PPP2CB: variants seen among roughly 807,000 people sequenced by gnomAD.
The protein encoded by PPP2CB is protein phosphatase 2 catalytic subunit beta, also known as serine/threonine-protein phosphatase 2A catalytic subunit beta isoform.
Under a neutral mutation model 39.1 loss-of-function variants are expected in PPP2CB, and 18 were observed. The ratio of observed to expected loss-of-function variants is 0.46; its 90% confidence interval spans 0.32 to 0.68. The LOEUF (loss-of-function observed/expected upper bound fraction) is 0.68, where lower values mean the gene tolerates loss of function less well. PPP2CB is among the 30% of genes least tolerant of loss of function. The probability of loss-of-function intolerance (pLI) is 0.04; values close to 1 mark genes in which losing one functional copy is unlikely to be tolerated. For synonymous variants in PPP2CB, 129 were observed against 133.8 expected, an observed-to-expected ratio of 0.96 and a Z score of 0.25; for missense variants, 226 against 396.9, an observed-to-expected ratio of 0.57 and a Z score of 3.66.
intron 1 of PPP2CB, among the ~76,000 whole-genome samples, chr8:30,802,078 T>C (rs1468168662): frequency 6.6e-6 from 1 of 152,212 alleles, no homozygotes; most frequent in Non-Finnish European, 1.5e-5. Context: ...CCTTTTCTGC[T>C]TATAGCCTGG....
intron 2 of PPP2CB, among the ~76,000 whole-genome samples, chr8:30,798,096 C>T (rs1470257166): frequency 6.6e-6 from 1 of 152,200 alleles, no homozygotes; most frequent in Non-Finnish European, 1.5e-5. Flanking sequence ...TTCTAGAACA[C>T]TATGACTTCT....
chr8:30,795,184 C>T (rs950686076), intron 3 of PPP2CB, among the ~76,000 whole-genome samples: 7 of 144,858 alleles, frequency 4.8e-5, no homozygotes, highest in African/African-American at 7.7e-5. Flanking sequence ...GGCGTGATCT[C>T]GGCTCACCGC....
rs540156919 is a variant in PPP2CB at position 30,802,680 on chromosome 8, C to T, written c.103-2925G>A. Among the ~76,000 whole-genome samples, 3 of 152,244 alleles carry T rather than the reference C, an allele frequency of 2.0e-5. No homozygotes were observed. In the South Asian group the frequency reaches 6.3e-4, roughly 32 times the overall value. ...ATTTTAAAAAACAAATTCTGTATTA[C>T]TTTTTCAAACGGAAAAAACCTGGCT... On this transcript the variant is annotated intron_variant, in intron 1 of 6. Transcript: ENST00000221138.
chr8:30,810,430 G>A (rs1438410095), intron 1 of PPP2CB, among the ~76,000 whole-genome samples: 7 of 152,226 alleles, frequency 4.6e-5, no homozygotes, highest in African/African-American at 1.7e-4. Flanking sequence ...CAGTCTGGGC[G>A]ACAGACTGAG....
At chr8:30,786,857 G>C (rs112075633) in intron 6 of PPP2CB, among the ~76,000 whole-genome samples, 3 of 151,204 alleles carry the variant, frequency 2.0e-5, no homozygotes, top group African/African-American at 7.3e-5. Flanking sequence ...TAGTAGAGAC[G>C]GGGTTTCACC....
At chr8:30,787,648 A>G (rs1467010621) in intron 6 of PPP2CB, among the ~76,000 whole-genome samples, 3 of 152,220 alleles carry the variant, frequency 2.0e-5, no homozygotes, top group Admixed American at 6.5e-5. Flanking sequence ...TCCTTTCTTT[A>G]AACATTTGGT....
In PPP2CB at chr8:30,791,956, A is replaced by G. The variant is rs1398803141; in HGVS notation, c.739-641T>C. 2.9e-5 allele frequency among the ~76,000 whole-genome samples: 4 copies of G among 139,606 alleles called. No homozygotes were observed. The East Asian group carries it at 7.8e-4, about 27-fold the overall frequency. 91.6% of individuals were successfully genotyped at this position (139,606 alleles called of 152,430 possible). On this transcript the variant is annotated intron_variant, in intron 5 of 6. Coordinates refer to ENST00000221138, the MANE Select transcript of PPP2CB (RefSeq NM_001009552.2). ...TATGTATACATGTATGTGTGCGCATATATGTATACGTGTGTATATGTGTAT... is the reference window on the plus strand; with the variant it reads ...TATGTATACATGTATGTGTGCGCATGTATGTATACGTGTGTATATGTGTAT...
chr8:30,786,269 T>A lies in PPP2CB; in HGVS notation c.896A>T (p.His299Leu). The A allele has an allele frequency of 1.3e-6, 2 of 1,580,438 alleles. No homozygotes were observed. Among genetic ancestry groups the A allele is most frequent in the Non-Finnish European group, 1.7e-6 (2 of 1,162,690 alleles). The change falls in exon 7 of 7, where the codon CAT (histidine) becomes CTT (leucine). Residue 299 changes from histidine (H) to leucine (L), a missense_variant. By Grantham distance (99) the His-to-Leu change is moderately conservative (BLOSUM62 -3). Transcript: ENST00000221138. Reference protein sequence around the residue: ...FDPAPRRGEPHVTRRTPDYFL With the variant: ...FDPAPRRGEPLVTRRTPDYFL Reference sequence around the variant, plus strand: ...GTAGTCTGGGGTGCGCCGTGTAACATGAGGCTCACCACGACGAGGCGCTGG... The same window carrying A: ...GTAGTCTGGGGTGCGCCGTGTAACAAGAGGCTCACCACGACGAGGCGCTGG...
intron 3 of PPP2CB, among the ~76,000 whole-genome samples, chr8:30,797,238 T>C (rs1031959502): frequency 6.6e-6 from 1 of 152,252 alleles, no homozygotes; most frequent in South Asian, 2.1e-4. Context: ...ACACTGCATG[T>C]ATATGCAGAG....
At chr8:30,798,244 A>G (rs751454659) in intron 2 of PPP2CB, among the ~76,000 whole-genome samples, 2 of 152,210 alleles carry the variant, frequency 1.3e-5, no homozygotes, top group Non-Finnish European at 2.9e-5. Context: ...GCCCTTGACA[A>G]AACTGGGCAA....
chr8:30,789,052 T>TC (rs971247462), intron 6 of PPP2CB, among the ~76,000 whole-genome samples: 7 of 150,760 alleles, frequency 4.6e-5, no homozygotes, highest in African/African-American at 1.7e-4. Context: ...GTTTTTACTT[T>TC]TTTTTTTTTT....
In PPP2CB at chr8:30,785,684, T is replaced by C. The variant is rs553851169; in HGVS notation, c.*551A>G. ...AGGATGCAAGCACTGTCATGACAAA[T>C]ATACAGAAATATGCAGATCAACATA... On this transcript the variant is annotated 3_prime_UTR_variant, in exon 7 of 7. Transcript: ENST00000221138. 21 of 197,174 alleles carry C rather than the reference T, an allele frequency of 1.1e-4. No homozygotes were observed. In the South Asian group the frequency reaches 1.6e-3, roughly 15 times the overall value. The allele number at this position is 197,174 out of a possible 1,614,324, so 12.2% of individuals were successfully genotyped here.
chr8:30,797,499 A>G (rs1806546625), intron 3 of PPP2CB, 82 bp downstream of exon 3: 1 of 1,340,600 alleles, frequency 7.5e-7, no homozygotes, highest in African/African-American at 1.5e-5. Flanking sequence ...CACAGGTCAT[A>G]TGAATCTAGA....
intron 1 of PPP2CB, among the ~76,000 whole-genome samples, chr8:30,809,696 T>C (rs1274567425): frequency 6.6e-6 from 1 of 152,118 alleles, no homozygotes. Flanking sequence ...ATCCCTGCAC[T>C]TTGGGAGGCC....
chr8:30,805,468 G>T (rs555210309), intron 1 of PPP2CB, among the ~76,000 whole-genome samples: 1 of 152,132 alleles, frequency 6.6e-6, no homozygotes, highest in Non-Finnish European at 1.5e-5. Context: ...GCTGGGGCAG[G>T]TGAATGGCAT....
intron 1 of PPP2CB, among the ~76,000 whole-genome samples, chr8:30,802,358 A>G (rs1806641007): frequency 6.6e-6 from 1 of 152,194 alleles, no homozygotes; most frequent in Admixed American, 6.5e-5. Flanking sequence ...TATTTTTTGC[A>G]TATGAAGAAC....
Position 30,812,381 on chromosome 8 carries a change from ACCCACTGGT to A in PPP2CB, c.32_40del (p.Asp11_Trp13del). ...CTGCTTACACTCGTTCAGCTGCTCG[ACCCACTGGT>A]CCAGCTCCTTGGTGAACGCCTTGTC... On this transcript the variant is annotated inframe_deletion, in exon 1 of 7. Coordinates refer to ENST00000221138, the MANE Select transcript of PPP2CB (RefSeq NM_001009552.2). 6.4e-7 allele frequency: 1 copy of A among 1,559,920 alleles called. No individual in the cohort carries two copies. The highest frequency in any genetic ancestry group is 8.7e-7 in the Non-Finnish European group (1 of 1,150,144).
chr8:30,811,927 G>A (rs928361843), intron 1 of PPP2CB, among the ~76,000 whole-genome samples: 1 of 152,188 alleles, frequency 6.6e-6, no homozygotes, highest in Non-Finnish European at 1.5e-5. Flanking sequence ...TCTGAAAATG[G>A]TCCTTTTCGG....
At chr8:30,791,993 CAT>C (rs1350574913) in intron 5 of PPP2CB, among the ~76,000 whole-genome samples, 1 of 150,376 alleles carries the variant, frequency 6.6e-6, no homozygotes, top group Non-Finnish European at 1.5e-5. Flanking sequence ...TATACGTGTG[CAT>C]ATATGTATAC....
Sources: allele counts gnomAD v4.1 joint callset (sites outside exome capture counted in the v4.1 genomes callset), GRCh38; gene constraint gnomAD v4.1.1; transcripts MANE v1.5; gene names NCBI Gene and HGNC (gene_info 2026-07-23, HGNC 2026-07-21).